Variants in NXPH1 observed in about 807,000 individuals in gnomAD.
NXPH1 encodes neurexophilin 1.
NXPH1 carries 5 observed loss-of-function variants against 23.7 expected under a neutral mutation model. The observed-to-expected ratio is 0.21, with a 90% CI of 0.11 to 0.44. The LOEUF is 0.44. NXPH1 is among the 20% of genes least tolerant of loss of function. The pLI, the probability that NXPH1 is intolerant of heterozygous loss-of-function variation, is 0.99. For synonymous variants in NXPH1, 144 were observed against 122.2 expected, an observed-to-expected ratio of 1.18 and a Z score of -1.18; for missense variants, 324 against 321.6, an observed-to-expected ratio of 1.01 and a Z score of -0.06.
intron 2 of NXPH1, among the ~76,000 whole-genome samples, chr7:8,748,613 A>G (rs2349780): frequency 0.39 from 59,413 of 151,976 alleles, 12,133 homozygotes; most frequent in East Asian, 0.77. Flanking sequence ...TCTGCACACA[A>G]TGGCCCTCTG....
At position 8,665,970 on chromosome 7, in the gene NXPH1, A is replaced by G. The variant is rs981919739; in HGVS notation, c.55-85038A>G. 4.2e-5 allele frequency among the ~76,000 whole-genome samples: 6 copies of G among 143,038 alleles called. No individual in the cohort carries two copies. The South Asian group carries it at 1.3e-3, about 31-fold the overall frequency. The allele number at this position is 143,038 out of a possible 152,430, so 93.8% of individuals were successfully genotyped here. ...TTGGGTTTTTCTATTTGTTAAGACC[A>G]TGTCATCTACAAACAGGGACAATTT... On this transcript the variant is annotated intron_variant, in intron 2 of 2. Transcript: ENST00000405863.
Position 8,533,042 on chromosome 7 carries a change from C to A in NXPH1, c.54+97275C>A, listed in dbSNP as rs1427461854. 2.0e-5 allele frequency among the ~76,000 whole-genome samples: 3 copies of A among 152,062 alleles called. No individual in the cohort carries two copies. In the South Asian group the frequency reaches 6.2e-4, roughly 32 times the overall value. On this transcript the variant is annotated intron_variant, in intron 2 of 2. Coordinates refer to ENST00000405863, the MANE Select transcript of NXPH1 (RefSeq NM_152745.3). ...TTACATGTATTCCCTCTTTTTAAAT[C>A]TTAGGTTGGTACTGCTATTATACTT...
At chr7:8,448,400 C>G (rs896196017) in intron 2 of NXPH1, among the ~76,000 whole-genome samples, 1 of 152,218 alleles carries the variant, frequency 6.6e-6, no homozygotes, top group Non-Finnish European at 1.5e-5. Context: ...CTGATTCTAT[C>G]CTAGGGCCAT....
At chr7:8,604,744 A>ACT in intron 2 of NXPH1, among the ~76,000 whole-genome samples, 1 of 152,272 alleles carries the variant, frequency 6.6e-6, no homozygotes, top group South Asian at 2.1e-4. Flanking sequence ...GTACTAGACT[A>ACT]CTAGTGGCAA....
chr7:8,507,924 G>A (rs1817556614), intron 2 of NXPH1, among the ~76,000 whole-genome samples: 1 of 152,112 alleles, frequency 6.6e-6, no homozygotes, highest in African/African-American at 2.4e-5. Context: ...GAAGTAGACG[G>A]TCAGTCAATA....
chr7:8,437,093 G>A (rs1436866363), intron 2 of NXPH1, among the ~76,000 whole-genome samples: 1 of 152,206 alleles, frequency 6.6e-6, no homozygotes, highest in Non-Finnish European at 1.5e-5. Context: ...AGGGCGCTGC[G>A]CATCAGCGTC....
chr7:8,603,265 T>C (rs1163109144), intron 2 of NXPH1, among the ~76,000 whole-genome samples: 1 of 152,220 alleles, frequency 6.6e-6, no homozygotes, highest in African/African-American at 2.4e-5. Context: ...AGTAAGCTTA[T>C]TACTCTGAAA....
At chr7:8,449,013 G>A (rs1433018524) in intron 2 of NXPH1, among the ~76,000 whole-genome samples, 1 of 152,180 alleles carries the variant, frequency 6.6e-6, no homozygotes. Flanking sequence ...TAATTTGTGA[G>A]TAGTATTTGC....
At chr7:8,638,387 C>T (rs959163593) in intron 2 of NXPH1, among the ~76,000 whole-genome samples, 2 of 152,166 alleles carry the variant, frequency 1.3e-5, no homozygotes, top group African/African-American at 4.8e-5. Context: ...AATTAGAATC[C>T]TCCTGGTGCC....
chr7:8,688,075 A>T (rs1821174089), intron 2 of NXPH1, among the ~76,000 whole-genome samples: 1 of 152,124 alleles, frequency 6.6e-6, no homozygotes, highest in Admixed American at 6.6e-5. Context: ...TGCAATCATT[A>T]TGAAATGTAC....
At chr7:8,498,765 C>G (rs1817381433) in intron 2 of NXPH1, among the ~76,000 whole-genome samples, 1 of 151,988 alleles carries the variant, frequency 6.6e-6, no homozygotes, top group African/African-American at 2.4e-5. Context: ...GGGGAAATAT[C>G]TAATGTGTCC....
intron 2 of NXPH1, among the ~76,000 whole-genome samples, chr7:8,603,160 T>C (rs550058645): frequency 2.2e-4 from 33 of 152,290 alleles, no homozygotes; most frequent in African/African-American, 6.0e-4. Flanking sequence ...AATATGGTAA[T>C]GCCTAAGAGA....
intron 2 of NXPH1, among the ~76,000 whole-genome samples, chr7:8,530,595 G>A (rs1408304902): frequency 1.3e-5 from 2 of 152,256 alleles, no homozygotes; most frequent in Admixed American, 6.5e-5. Context: ...AAGAAAGACG[G>A]TTGTTGTAGG....
chr7:8,533,499 A>T (rs942585371), intron 2 of NXPH1, among the ~76,000 whole-genome samples: 1 of 150,542 alleles, frequency 6.6e-6, no homozygotes, highest in African/African-American at 2.5e-5. Flanking sequence ...AAAAAAATTC[A>T]GGTTAGTGTT....
At chr7:8,446,762 A>G (rs942964257) in intron 2 of NXPH1, among the ~76,000 whole-genome samples, 1 of 151,468 alleles carries the variant, frequency 6.6e-6, no homozygotes, top group Non-Finnish European at 1.5e-5. Flanking sequence ...TTTTTTCCTC[A>G]CTGTATATTT....
chr7:8,600,932 T>A (rs534104464), intron 2 of NXPH1, among the ~76,000 whole-genome samples: 18 of 152,202 alleles, frequency 1.2e-4, no homozygotes, highest in African/African-American at 4.1e-4. Context: ...CCTTTTTTTT[T>A]TTGTTTTACT....
At chr7:8,484,067 A>G (rs1584186537) in intron 2 of NXPH1, among the ~76,000 whole-genome samples, 2 of 150,684 alleles carry the variant, frequency 1.3e-5, no homozygotes, top group South Asian at 4.2e-4. Context: ...TTGAATCTTC[A>G]TATGCTCTGC....
At chr7:8,488,847 A>G (rs1817204210) in intron 2 of NXPH1, among the ~76,000 whole-genome samples, 2 of 152,168 alleles carry the variant, frequency 1.3e-5, no homozygotes, top group South Asian at 4.1e-4. Flanking sequence ...AGAGCTCAAT[A>G]AAAACAGCTA....
chr7:8,530,195 G>T (rs1817929093), intron 2 of NXPH1, among the ~76,000 whole-genome samples: 1 of 152,138 alleles, frequency 6.6e-6, no homozygotes, highest in Non-Finnish European at 1.5e-5. Context: ...TAGCTGGTTG[G>T]CTAAGGGGTA....
Sources: allele counts gnomAD v4.1 joint callset (sites outside exome capture counted in the v4.1 genomes callset), GRCh38; gene constraint gnomAD v4.1.1; transcripts MANE v1.5; gene names NCBI Gene and HGNC (gene_info 2026-07-23, HGNC 2026-07-21).